NCBP1: variants seen among roughly 807,000 people sequenced by gnomAD.
The protein encoded by NCBP1 is nuclear cap binding protein subunit 1, also known as nuclear cap-binding protein subunit 1.
Under a neutral mutation model 111.7 loss-of-function variants are expected in NCBP1, and 16 were observed. The ratio of observed to expected loss-of-function variants is 0.14; its 90% confidence interval spans 0.10 to 0.22. NCBP1 has a LOEUF of 0.22. Ranked by LOEUF, NCBP1 falls within the 10% of genes least tolerant of loss-of-function variation. The pLI, the probability that NCBP1 is intolerant of heterozygous loss-of-function variation, is 1.00. For synonymous variants in NCBP1, 304 were observed against 314.3 expected (o/e 0.97, Z 0.35); for missense variants, 607 against 957.5 (o/e 0.63, Z 4.83).
chr9:97,637,692 T>G (rs1180479375), intron 1 of NCBP1, among the ~76,000 whole-genome samples: 1 of 152,218 alleles, frequency 6.6e-6, no homozygotes, highest in African/African-American at 2.4e-5. Context: ...TCAAAATAGA[T>G]GAGCCAAAAA....
At chr9:97,641,288 G>A (rs1009205245) in intron 2 of NCBP1, among the ~76,000 whole-genome samples, 6 of 151,776 alleles carry the variant, frequency 4.0e-5, no homozygotes, top group Non-Finnish European at 8.8e-5. Context: ...AATTTCACTC[G>A]TCCACTTTTC....
At chr9:97,652,008 A>ATT (rs111943212) in intron 10 of NCBP1, among the ~76,000 whole-genome samples, 3 of 146,970 alleles carry the variant, frequency 2.0e-5, no homozygotes, top group Middle Eastern at 3.5e-3. Flanking sequence ...TGTTAACTGC[A>ATT]TTTTTTTTTT....
At chr9:97,634,171 G>T (rs1826922967) in intron 1 of NCBP1, among the ~76,000 whole-genome samples, 1 of 152,232 alleles carries the variant, frequency 6.6e-6, no homozygotes, top group Admixed American at 6.5e-5. Context: ...TAGACCCTTG[G>T]TCTCTAAGGA....
Position 97,671,249 on chromosome 9 carries a change from T to C in NCBP1, c.*50T>C. 2.3e-6 allele frequency: 3 copies of C among 1,331,644 alleles called. No individual in the cohort carries two copies. The allele number at this position is 1,331,644 out of a possible 1,614,324, so 82.5% of individuals were successfully genotyped here. On this transcript the variant is annotated 3_prime_UTR_variant, in exon 23 of 23. Transcript: ENST00000375147. ...GTTTTTTTTGATATCTTAAAATAATTTGTCTTATTTTTTGATGGTTTGAAT... is the reference window on the plus strand; with the variant it reads ...GTTTTTTTTGATATCTTAAAATAATCTGTCTTATTTTTTGATGGTTTGAAT...
chr9:97,664,447 A>C lies in NCBP1; in HGVS notation c.1901+4A>C, dbSNP rs755175871. The C allele has an allele frequency of 1.3e-5, 20 of 1,572,216 alleles. No individual in the cohort carries two copies. Among genetic ancestry groups the C allele is most frequent in the Non-Finnish European group, 1.7e-5 (20 of 1,143,718 alleles). ...AACTATCTCGTGACTTTACCAGGTA[A>C]TATAAATTATTTTATGAAACTTGTG... On this transcript the variant is annotated splice_donor_region_variant and intron_variant, in intron 19 of 22. Transcript: ENST00000375147.
intron 4 of NCBP1, among the ~76,000 whole-genome samples, chr9:97,643,961 T>TA (rs1827268893): frequency 6.6e-6 from 1 of 152,166 alleles, no homozygotes; most frequent in South Asian, 2.1e-4. Context: ...GGTTACTGGT[T>TA]AAAAAAACCT....
At position 97,645,122 on chromosome 9, in the gene NCBP1, T is replaced by G; in HGVS notation, c.387T>G (p.Arg129=). The G allele has an allele frequency of 6.2e-7, 1 of 1,612,820 alleles. No homozygotes were observed. The highest frequency in any genetic ancestry group is 1.1e-5 in the South Asian group (1 of 91,054). ...GAAATTGTTTGCCCCAACAGGTCCGTTTTTTATCTGATCTTGTGAATTGTC... is the reference window on the plus strand; with the variant it reads ...GAAATTGTTTGCCCCAACAGGTCCGGTTTTTATCTGATCTTGTGAATTGTC... ...NNYNEAVYLV[R]FLSDLVNCHV... The change falls in exon 5 of 23, where the codon CGT becomes CGG. Residue 129 remains arginine (R), a synonymous_variant. Coordinates refer to ENST00000375147, the MANE Select transcript of NCBP1 (RefSeq NM_002486.5).
intron 2 of NCBP1, 33 bp from the exon 3 acceptor site, chr9:97,641,529 C>G (rs1397780718): frequency 3.3e-6 from 5 of 1,515,548 alleles, no homozygotes; most frequent in Non-Finnish European, 8.9e-7. Flanking sequence ...TTGCTGAGTA[C>G]TTGACAGATA....
intron 8 of NCBP1, among the ~76,000 whole-genome samples, chr9:97,650,114 C>G (rs970498543): frequency 6.6e-6 from 1 of 152,010 alleles, no homozygotes; most frequent in African/African-American, 2.4e-5. Flanking sequence ...TCATGCATGA[C>G]TTTTTATGGC....
intron 4 of NCBP1, among the ~76,000 whole-genome samples, chr9:97,644,052 A>G (rs2131336931): frequency 6.6e-6 from 1 of 152,334 alleles, no homozygotes; most frequent in Admixed American, 6.5e-5. Flanking sequence ...GGAAGTGAAT[A>G]TTAAGAACTC....
chr9:97,661,096 G>A (rs1827821489), intron 16 of NCBP1, 28 bp downstream of exon 16: 14 of 1,608,946 alleles, frequency 8.7e-6, no homozygotes, highest in Non-Finnish European at 1.2e-5. Flanking sequence ...TTTCTTAAGT[G>A]GAACTATGTA....
chr9:97,671,189 T>A lies in NCBP1; in HGVS notation c.2363T>A (p.Leu788Gln). ...GCCGTGTTCCAGCAGTTCTGTGCCC[T>A]GCAGGCCTAAGGGTCATTTTTTCCT... ...ILAVFQQFCALQA is the reference protein window; with the variant it reads ...ILAVFQQFCAQQA Residue 788 changes from leucine (L) to glutamine (Q), a missense_variant, in exon 23 of 23, where the codon CTG (leucine) becomes CAG (glutamine). Around this residue, in one of 9 missense-constraint regions of NCBP1, gnomAD observed 18 missense variants for 18.7 expected, o/e 0.96. Coordinates refer to ENST00000375147, the MANE Select transcript of NCBP1 (RefSeq NM_002486.5). 1 of 1,606,522 alleles carries A rather than the reference T, an allele frequency of 6.2e-7. No individual in the cohort carries two copies. The highest frequency in any genetic ancestry group is 8.5e-7 in the Non-Finnish European group (1 of 1,173,376).
intron 17 of NCBP1, among the ~76,000 whole-genome samples, chr9:97,662,480 C>T (rs1266208150): frequency 6.6e-6 from 1 of 152,158 alleles, no homozygotes; most frequent in Non-Finnish European, 1.5e-5. Context: ...TTAGAATCAG[C>T]TACACTGTTG....
chr9:97,670,355 C>T (rs1239431410), intron 22 of NCBP1, among the ~76,000 whole-genome samples: 1 of 152,156 alleles, frequency 6.6e-6, no homozygotes, highest in Non-Finnish European at 1.5e-5. Flanking sequence ...GTAAACTGTC[C>T]ACAGAATCAA....
intron 3 of NCBP1, among the ~76,000 whole-genome samples, chr9:97,642,425 C>T (rs1304156946): frequency 6.6e-6 from 1 of 152,024 alleles, no homozygotes; most frequent in Non-Finnish European, 1.5e-5. Flanking sequence ...CTGCTAGGTA[C>T]TTTAGGAAAA....
In NCBP1 at chr9:97,656,079, G is replaced by T. The variant is rs758640371; in HGVS notation, c.1367G>T (p.Cys456Phe). The T allele has an allele frequency of 2.5e-6, 4 of 1,613,202 alleles. No homozygotes were observed. Among genetic ancestry groups the T allele is most frequent in the South Asian group, 1.1e-5 (1 of 91,072 alleles). ...PKFVREVLEKCMRLSYHQRIL... is the reference protein window; with the variant it reads ...PKFVREVLEKFMRLSYHQRIL... Reference sequence around the variant, plus strand: ...TTTGTAAGAGAAGTTCTAGAAAAATGTATGAGGTAAGTTTTTTGTGTTTTC... The same window carrying T: ...TTTGTAAGAGAAGTTCTAGAAAAATTTATGAGGTAAGTTTTTTGTGTTTTC... The change falls in exon 14 of 23, where the codon TGT becomes TTT. Residue 456 changes from cysteine to phenylalanine, a missense_variant. Transcript: ENST00000375147.
intron 1 of NCBP1, among the ~76,000 whole-genome samples, chr9:97,638,183 TTGTC>T (rs369320232): frequency 2.1e-4 from 32 of 152,296 alleles, no homozygotes; most frequent in African/African-American, 7.5e-4. Context: ...AGTTCAGATT[TTGTC>T]TGTAGTCTTC....
At chr9:97,636,083 C>T (rs1357158171) in intron 1 of NCBP1, 1 of 152,074 alleles carries the variant, frequency 6.6e-6, no homozygotes, top group Non-Finnish European at 1.5e-5. Context: ...ATTCATTAAG[C>T]AAAGGTTTTT....
At chr9:97,647,891 TACCA>T in intron 7 of NCBP1, 113 bp from the exon 8 acceptor site, 3 of 903,374 alleles carry the variant, frequency 3.3e-6, no homozygotes, top group Admixed American at 5.8e-5. Context: ...CCTTTTTTTG[TACCA>T]TCTTACAAGT....
Sources: gnomAD v4.1 joint callset for allele counts (sites outside exome capture counted in the v4.1 genomes callset) on GRCh38, gnomAD v4.1.1 for gene constraint, gnomAD v4.1.1 regional missense constraint, MANE v1.5 for transcripts, NCBI Gene and HGNC (gene_info 2026-07-23, HGNC 2026-07-21) for gene names.